The following STARD4 variants were observed in gnomAD, a reference collection of about 807,000 sequenced individuals.
The protein encoded by STARD4 is stAR-related lipid transfer protein 4.
STARD4 carries 33 observed loss-of-function variants against 24.9 expected under a neutral mutation model. The observed-to-expected ratio is 1.32, with a 90% CI of 1.00 to 1.77. STARD4 has a LOEUF of 1.77. Ranked by LOEUF, STARD4 falls within the 40% of genes most tolerant of loss-of-function variation. The pLI is 0.00. For synonymous variants in STARD4, 88 were observed against 77.4 expected (o/e 1.14, Z -0.72); for missense variants, 238 against 249.3 (o/e 0.95, Z 0.31).
At chr5:111,504,233 T>C (rs1192170418) in intron 3 of STARD4, among the ~76,000 whole-genome samples, 1 of 152,216 alleles carries the variant, frequency 6.6e-6, no homozygotes, top group Non-Finnish European at 1.5e-5. Flanking sequence ...TATCGCATTG[T>C]ACTTTATAGA....
In STARD4 at chr5:111,500,113, G is replaced by C. The variant is rs748332273; in HGVS notation, c.398-7C>G. ...TCCCAGTCAAGACTTATTCCTATAA[G>C]GCAATTTTTAAAATAGCACTATTAA... On this transcript the variant is annotated splice_region_variant and splice_polypyrimidine_tract_variant and intron_variant, in intron 5 of 5. Coordinates refer to ENST00000296632, the MANE Select transcript of STARD4 (RefSeq NM_139164.3). 2.5e-6 allele frequency: 4 copies of C among 1,583,400 alleles called. No individual in the cohort carries two copies. The highest frequency in any genetic ancestry group is 4.5e-5 in the East Asian group (2 of 44,218).
rs773201347 is a variant in STARD4 at position 111,496,148 on chromosome 5, G to A, written c.*3738C>T. 2 of 151,346 alleles carry A rather than the reference G, an allele frequency of 1.3e-5. No individual in the cohort carries two copies. Among genetic ancestry groups the A allele is most frequent in the Non-Finnish European group, 2.9e-5 (2 of 67,798 alleles). 9.4% of individuals were successfully genotyped at this position (151,346 alleles called of 1,614,324 possible). On this transcript the variant is annotated 3_prime_UTR_variant, in exon 6 of 6. Transcript: ENST00000296632. ...AATAAATATTCTAGTTTTACATATT[G>A]GTTCACAAAAGAATTATATAAACTT...
chr5:111,507,455 C>A lies in STARD4; in HGVS notation c.-9-13G>T, dbSNP rs533903085. The stretch of plus-strand genomic sequence containing the variant: ...CCATTACTTCTCTCTGTTATGGAGA[C>A]CAAGATTAGCATCAGCAAATACCAC... On this transcript the variant is annotated splice_polypyrimidine_tract_variant and intron_variant, in intron 1 of 5. Coordinates refer to ENST00000296632, the MANE Select transcript of STARD4 (RefSeq NM_139164.3). The surrounding 1 kb of genome is among the most constrained non-coding windows in gnomAD (Gnocchi z 4.4). The A allele has an allele frequency of 6.3e-7, 1 of 1,598,266 alleles. No individual in the cohort carries two copies. The highest frequency in any genetic ancestry group is 1.1e-5 in the South Asian group (1 of 89,264).
chr5:111,507,459 G>T lies in STARD4; in HGVS notation c.-9-17C>A, dbSNP rs1482546426. The T allele has an allele frequency of 1.3e-6, 2 of 1,596,820 alleles. No homozygotes were observed. The highest frequency in any genetic ancestry group is 2.2e-5 in the East Asian group (1 of 44,568). On this transcript the variant is annotated splice_polypyrimidine_tract_variant and intron_variant, in intron 1 of 5. Transcript: ENST00000296632. The surrounding 1 kb of genome is among the most constrained non-coding windows in gnomAD (Gnocchi z 4.4). ...TACTTCTCTCTGTTATGGAGACCAA[G>T]ATTAGCATCAGCAAATACCACAGTT...
chr5:111,509,649 T>TG (rs1362783836), intron 1 of STARD4, among the ~76,000 whole-genome samples: 1 of 152,118 alleles, frequency 6.6e-6, no homozygotes, highest in African/African-American at 2.4e-5. Context: ...GTAAAATCTT[T>TG]GGGGGGTAGG....
At chr5:111,501,777 T>G (rs545254681) in intron 4 of STARD4, among the ~76,000 whole-genome samples, 185 bp downstream of exon 4, 1 of 152,304 alleles carries the variant, frequency 6.6e-6, no homozygotes, top group South Asian at 2.1e-4. Flanking sequence ...CATTAATTAG[T>G]ATGAGGAAAC....
At position 111,499,835 on chromosome 5, in the gene STARD4, T is replaced by C. The variant is rs765496000; in HGVS notation, c.*51A>G. The C allele has an allele frequency of 6.6e-7, 1 of 1,509,310 alleles. No individual in the cohort carries two copies. The highest frequency in any genetic ancestry group is 9.2e-7 in the Non-Finnish European group (1 of 1,091,540). 93.5% of individuals were successfully genotyped at this position (1,509,310 alleles called of 1,614,324 possible). A position where few individuals can be genotyped will look rare whatever the true frequency, so the allele number is the denominator to read the frequency against. On this transcript the variant is annotated 3_prime_UTR_variant, in exon 6 of 6. Coordinates refer to ENST00000296632, the MANE Select transcript of STARD4 (RefSeq NM_139164.3). The stretch of plus-strand genomic sequence containing the variant: ...GAATCAATGATTTTTACAGGCCATG[T>C]AGCTGAGAGAGTTGATCTGTAGTAC...
intron 4 of STARD4, among the ~76,000 whole-genome samples, 165 bp from the exon 5 acceptor site, chr5:111,501,281 T>C (rs1032932253): frequency 6.6e-6 from 1 of 152,208 alleles, no homozygotes; most frequent in African/African-American, 2.4e-5. Context: ...ATTCTAAATC[T>C]CACTGCTATT....
chr5:111,509,070 C>G (rs2112572926), intron 1 of STARD4, among the ~76,000 whole-genome samples: 1 of 152,112 alleles, frequency 6.6e-6, no homozygotes, highest in Admixed American at 6.5e-5. Flanking sequence ...GTCTCTCAGT[C>G]AAGAATATAC....
Position 111,507,434 on chromosome 5 carries a change from T to TA in STARD4, c.-2dup. ...AAGCAACATCAGACAGGCCTTCCAT[T>TA]ACTTCTCTCTGTTATGGAGACCAAG... On this transcript the variant is annotated 5_prime_UTR_variant, in exon 2 of 6. Coordinates refer to ENST00000296632, the MANE Select transcript of STARD4 (RefSeq NM_139164.3). The surrounding 1 kb of genome is among the most constrained non-coding windows in gnomAD (Gnocchi z 4.4). The TA allele has an allele frequency of 6.2e-7, 1 of 1,612,448 alleles. No individual in the cohort carries two copies. The highest frequency in any genetic ancestry group is 8.5e-7 in the Non-Finnish European group (1 of 1,178,948).
chr5:111,509,855 A>G (rs1757119891), intron 1 of STARD4, among the ~76,000 whole-genome samples: 1 of 152,124 alleles, frequency 6.6e-6, no homozygotes, highest in Admixed American at 6.6e-5. Flanking sequence ...ATAATGAAAC[A>G]CCATTTCTCA....
chr5:111,506,561 A>G (rs1014785491), intron 2 of STARD4, among the ~76,000 whole-genome samples, 182 bp from the exon 3 acceptor site: 1 of 152,190 alleles, frequency 6.6e-6, no homozygotes, highest in African/African-American at 2.4e-5. Context: ...TCTGTATCCT[A>G]AAGTTCTTCA....
In STARD4 at chr5:111,500,018, G is replaced by C. The variant is rs1438385631; in HGVS notation, c.486C>G (p.Asp162Glu). Reference sequence around the variant, plus strand: ...CTGTCAAAAGACTCTGGTTTGGGTTGTCTTTAAGTGGAACACAAAACCAAC... The same window carrying C: ...CTGTCAAAAGACTCTGGTTTGGGTTCTCTTTAAGTGGAACACAAAACCAAC... ...PCGWFCVPLK[D>E]NPNQSLLTGY... The change falls in exon 6 of 6, where the codon GAC becomes GAG. Residue 162 changes from aspartate (D) to glutamate (E), a missense_variant. By Grantham distance (45) the Asp-to-Glu change is conservative. Coordinates refer to ENST00000296632, the MANE Select transcript of STARD4 (RefSeq NM_139164.3). The C allele has an allele frequency of 1.2e-6, 2 of 1,614,124 alleles. No individual in the cohort carries two copies. The highest frequency in any genetic ancestry group is 1.7e-6 in the Non-Finnish European group (2 of 1,180,018).
chr5:111,500,976 A>G (rs1051243538), intron 5 of STARD4, 26 bp downstream of exon 5: 2 of 1,613,716 alleles, frequency 1.2e-6, no homozygotes, highest in Non-Finnish European at 8.5e-7. Context: ...ATACTGAAAA[A>G]AAGCATAACA....
intron 1 of STARD4, among the ~76,000 whole-genome samples, chr5:111,508,671 TTGTACTAG>T (rs1279030387): frequency 6.6e-6 from 1 of 152,154 alleles, no homozygotes; most frequent in African/African-American, 2.4e-5. Flanking sequence ...TTTTTATGCT[TTGTACTAG>T]TTGTCGCTGC....
intron 3 of STARD4, among the ~76,000 whole-genome samples, chr5:111,503,495 G>A (rs867485124): frequency 7.9e-5 from 12 of 152,118 alleles, no homozygotes; most frequent in Middle Eastern, 3.2e-3. Context: ...TGGGTGTGGT[G>A]GCGCATGCCT....
At position 111,506,325 on chromosome 5, in the gene STARD4, C is replaced by G; in HGVS notation, c.155+5G>C. On this transcript the variant is annotated splice_donor_5th_base_variant and intron_variant, in intron 3 of 5. Coordinates refer to ENST00000296632, the MANE Select transcript of STARD4 (RefSeq NM_139164.3). ...AGCTGTGTAAGTCTATAAAAAGTTA[C>G]TTACAGATATCCATTAAATTCTTCT... 1 of 1,453,160 alleles carries G rather than the reference C, an allele frequency of 6.9e-7. No individual in the cohort carries two copies. The highest frequency in any genetic ancestry group is 9.4e-7 in the Non-Finnish European group (1 of 1,060,846). 90.0% of individuals were successfully genotyped at this position (1,453,160 alleles called of 1,614,324 possible).
At position 111,499,579 on chromosome 5, in the gene STARD4, G is replaced by GA. The variant is rs2112537009; in HGVS notation, c.*306dup. On this transcript the variant is annotated 3_prime_UTR_variant, in exon 6 of 6. Transcript: ENST00000296632. ...TGCACCTGTATTCCCAGCTATTCAGGAGGCTGAGGTAGAATAACCCCTTGA... is the reference window on the plus strand; with the variant it reads ...TGCACCTGTATTCCCAGCTATTCAGGAAGGCTGAGGTAGAATAACCCCTTGA... The GA allele has an allele frequency of 3.5e-6, 1 of 282,842 alleles. No homozygotes were observed. Among genetic ancestry groups the GA allele is most frequent in the Non-Finnish European group, 6.6e-6 (1 of 150,480 alleles). The allele number at this position is 282,842 out of a possible 1,614,324, so 17.5% of individuals were successfully genotyped here.
rs753138164 is a variant in STARD4, at chr5:111,506,395, C to T, written c.106-16G>A. The T allele has an allele frequency of 1.6e-5, 22 of 1,335,544 alleles. No individual in the cohort carries two copies. Among genetic ancestry groups the T allele is most frequent in the Middle Eastern group, 3.8e-4 (2 of 5,266 alleles). 82.7% of individuals were successfully genotyped at this position (1,335,544 alleles called of 1,614,324 possible). A position where few individuals can be genotyped will look rare whatever the true frequency, so the allele number is the denominator to read the frequency against. ...TTACATCTTTCTAGAAAAATAAAAA[C>T]ATTATATGGTAATAATTGCATAGGT... On this transcript the variant is annotated splice_polypyrimidine_tract_variant and intron_variant, in intron 2 of 5. Transcript: ENST00000296632.
Sources: gnomAD v4.1 joint callset for allele counts (sites outside exome capture counted in the v4.1 genomes callset) on GRCh38, gnomAD v4.1.1 for gene constraint, Gnocchi (gnomAD v3.1) non-coding constraint, MANE v1.5 for transcripts, NCBI Gene and HGNC (gene_info 2026-07-23, HGNC 2026-07-21) for gene names.